Variants in PLCL1 observed in about 807,000 individuals in gnomAD.
PLCL1 encodes phospholipase C like 1 (inactive).
PLCL1 carries 41 observed loss-of-function variants against 84.4 expected under a neutral mutation model. The observed-to-expected ratio is 0.49, with a 90% CI of 0.38 to 0.63. The LOEUF is 0.63. Among genes scored for constraint, PLCL1 ranks in the 30% least tolerant of loss-of-function variants. The pLI, the probability that PLCL1 is intolerant of heterozygous loss-of-function variation, is 0.00. For synonymous variants in PLCL1, 490 were observed against 488.3 expected, an observed-to-expected ratio of 1.00 and a Z score of -0.05; for missense variants, 1,206 against 1,367.8, an observed-to-expected ratio of 0.88 and a Z score of 1.87.
At chr2:198,047,459 G>A (rs1177511743) in intron 1 of PLCL1, among the ~76,000 whole-genome samples, 1 of 152,112 alleles carries the variant, frequency 6.6e-6, no homozygotes, top group Non-Finnish European at 1.5e-5. Flanking sequence ...TAGGAATATA[G>A]GCATGAGCCA....
chr2:197,928,537 G>T (rs879860168), intron 1 of PLCL1, among the ~76,000 whole-genome samples: 10 of 152,166 alleles, frequency 6.6e-5, no homozygotes, highest in Non-Finnish European at 1.2e-4. Flanking sequence ...TTGCTCTGAA[G>T]ATTTATGAAA....
chr2:198,046,967 A>T (rs1336314361), intron 1 of PLCL1, among the ~76,000 whole-genome samples: 1 of 152,238 alleles, frequency 6.6e-6, no homozygotes, highest in Admixed American at 6.5e-5. Flanking sequence ...CAATGTTAGC[A>T]TACTAATGTA....
intron 1 of PLCL1, among the ~76,000 whole-genome samples, chr2:197,926,619 T>G (rs150162423): frequency 1.3e-5 from 2 of 152,284 alleles, no homozygotes; most frequent in Admixed American, 6.5e-5. Context: ...GGCACAAACA[T>G]AAATAAGATC....
Position 198,009,087 on chromosome 2 carries a change from T to C in PLCL1, c.241-74671T>C, listed in dbSNP as rs187409802. Among the ~76,000 whole-genome samples the C allele has an allele frequency of 2.9e-4, 44 of 152,178 alleles. 1 individual carries two copies. The East Asian group carries it at 8.3e-3, about 29-fold the overall frequency. ...TAAAGTTTCTTATATATTTTGGATA[T>C]TAACCCCTTTTCAGATATATTATTT... On this transcript the variant is annotated intron_variant, in intron 1 of 5. Coordinates refer to ENST00000428675, the MANE Select transcript of PLCL1 (RefSeq NM_006226.4).
chr2:198,144,836 A>G (rs1694479274), intron 5 of PLCL1, among the ~76,000 whole-genome samples: 1 of 152,090 alleles, frequency 6.6e-6, no homozygotes, highest in Non-Finnish European at 1.5e-5. Flanking sequence ...AGGAGTCTCT[A>G]GGGTGCCCTG....
At chr2:198,094,225 C>A (rs957471175) in intron 3 of PLCL1, among the ~76,000 whole-genome samples, 19 of 152,080 alleles carry the variant, frequency 1.2e-4, no homozygotes, top group Non-Finnish European at 5.9e-5. Flanking sequence ...CCATGCCCAG[C>A]TAATTTTTTG....
At position 198,084,564 on chromosome 2, in the gene PLCL1, C is replaced by T. The variant is rs112073408; in HGVS notation, c.1047C>T (p.Thr349=). 8.1e-6 allele frequency: 13 copies of T among 1,613,520 alleles called. No individual in the cohort carries two copies. The highest frequency in any genetic ancestry group is 1.3e-5 in the African/African-American group (1 of 74,886). ...LEAEQGVTHI[T]EDICLDIIRR... is the part of the protein sequence containing the mutation. The stretch of plus-strand genomic sequence containing the variant: ...CTGAGCAAGGAGTCACCCATATCAC[C>T]GAGGATATATGCTTAGACATCATAA... The change falls in exon 2 of 6, where the codon ACC becomes ACT. Residue 349 remains threonine, a synonymous_variant. Transcript: ENST00000428675.
At chr2:198,118,144 T>A (rs550254416) in intron 5 of PLCL1, among the ~76,000 whole-genome samples, 1 of 151,950 alleles carries the variant, frequency 6.6e-6, no homozygotes, top group Non-Finnish European at 1.5e-5. Context: ...CAGCTGTTCT[T>A]ATGAAAAACA....
rs368958990 is a variant in PLCL1 at position 198,126,991 on chromosome 2, AGT to A, written c.3106-19769_3106-19768del. On this transcript the variant is annotated intron_variant, in intron 5 of 5. Transcript: ENST00000428675. ...AGCTAGTACAGTGAATGAGTGTGTG[AGT>A]GTGTGTGTGTGTGTGTGTGGGGGGT... 6.9e-3 allele frequency among the ~76,000 whole-genome samples: 891 copies of A among 129,238 alleles called. 17 individuals carry two copies. The highest frequency in any genetic ancestry group is 0.025 in the African/African-American group (812 of 32,462). 84.8% of individuals were successfully genotyped at this position (129,238 alleles called of 152,430 possible). A position where few individuals can be genotyped will look rare whatever the true frequency, so the allele number is the denominator to read the frequency against.
At chr2:198,060,009 C>T (rs1692154666) in intron 1 of PLCL1, among the ~76,000 whole-genome samples, 1 of 152,112 alleles carries the variant, frequency 6.6e-6, no homozygotes, top group Non-Finnish European at 1.5e-5. Context: ...TGTTATGGGC[C>T]TGGGATGTCC....
At chr2:198,017,745 T>A (rs1279462207) in intron 1 of PLCL1, among the ~76,000 whole-genome samples, 1 of 152,208 alleles carries the variant, frequency 6.6e-6, no homozygotes, top group African/African-American at 2.4e-5. Flanking sequence ...TGTTAAACTT[T>A]ATTCCGCAAA....
intron 3 of PLCL1, among the ~76,000 whole-genome samples, chr2:198,091,033 A>G (rs1693016953): frequency 6.6e-6 from 1 of 152,264 alleles, no homozygotes; most frequent in South Asian, 2.1e-4. Flanking sequence ...AGATTAAAAT[A>G]AAAGGCTACG....
intron 1 of PLCL1, among the ~76,000 whole-genome samples, chr2:197,994,250 A>G (rs542227265): frequency 1.3e-5 from 2 of 152,284 alleles, no homozygotes; most frequent in East Asian, 1.9e-4. Flanking sequence ...AGAGATGAGG[A>G]GAAGGGTAAA....
intron 1 of PLCL1, among the ~76,000 whole-genome samples, chr2:197,830,771 A>G (rs2105655123): frequency 6.6e-6 from 1 of 152,342 alleles, no homozygotes; most frequent in South Asian, 2.1e-4. Flanking sequence ...GCAGATAGAG[A>G]GAAAGATCGG....
intron 1 of PLCL1, among the ~76,000 whole-genome samples, chr2:197,915,006 A>C (rs1688563958): frequency 6.6e-6 from 1 of 152,152 alleles, no homozygotes; most frequent in African/African-American, 2.4e-5. Flanking sequence ...TTGGATAAAG[A>C]AGCATTTATT....
chr2:197,814,043 C>T (rs1690641417), intron 1 of PLCL1, among the ~76,000 whole-genome samples: 1 of 152,194 alleles, frequency 6.6e-6, no homozygotes, highest in Non-Finnish European at 1.5e-5. Context: ...CTTCCTTTCA[C>T]ATAAAATACC....
At chr2:198,132,459 G>C (rs186671477) in intron 5 of PLCL1, among the ~76,000 whole-genome samples, 8 of 152,004 alleles carry the variant, frequency 5.3e-5, no homozygotes, top group South Asian at 2.1e-4. Flanking sequence ...GTTTTTTTGG[G>C]GGGGGGAGTC....
intron 1 of PLCL1, among the ~76,000 whole-genome samples, chr2:197,972,145 T>G (rs1689881762): frequency 1.3e-5 from 2 of 152,346 alleles, no homozygotes; most frequent in Admixed American, 1.3e-4. Context: ...TAAAAAATGC[T>G]TTTGTAAGAT....
chr2:197,879,268 A>G (rs1300448611), intron 1 of PLCL1, among the ~76,000 whole-genome samples: 2 of 152,234 alleles, frequency 1.3e-5, no homozygotes, highest in African/African-American at 4.8e-5. Context: ...ATATCTGACC[A>G]TCAAATCTAA....
Sources: allele counts gnomAD v4.1 joint callset (sites outside exome capture counted in the v4.1 genomes callset), GRCh38; gene constraint gnomAD v4.1.1; transcripts MANE v1.5; gene names NCBI Gene and HGNC (gene_info 2026-07-23, HGNC 2026-07-21).